The following GABRA5 variants were observed in gnomAD, a reference collection of about 807,000 sequenced individuals.
GABRA5 encodes gamma-aminobutyric acid type A receptor subunit alpha5, also known as gamma-aminobutyric acid receptor subunit alpha-5.
Under a neutral mutation model 47.3 loss-of-function variants are expected in GABRA5, and 18 were observed. The ratio of observed to expected loss-of-function variants is 0.38; its 90% CI spans 0.26 to 0.56. GABRA5 has a LOEUF of 0.56. Among genes scored for constraint, GABRA5 ranks in the 20% least tolerant of loss-of-function variants. The pLI is 0.71. For synonymous variants in GABRA5, 237 were observed against 229.3 expected (o/e 1.03, Z -0.30); for missense variants, 365 against 599.3 (o/e 0.61, Z 4.08).
intron 6 of GABRA5, among the ~76,000 whole-genome samples, chr15:26,897,370 G>A (rs945724759): frequency 2.0e-5 from 3 of 152,110 alleles, no homozygotes; most frequent in African/African-American, 7.2e-5. Context: ...GAGGACACAG[G>A]GAGAGGACAG....
upstream of GABRA5, chr15:26,866,882 A>G (rs917835121): frequency 2.6e-5 from 4 of 152,256 alleles, no homozygotes; most frequent in African/African-American, 7.2e-5. Context: ...CTGCTCTACA[A>G]GCGGGCGGTG....
At chr15:26,946,844 G>A (rs547272871) in intron 10 of GABRA5, among the ~76,000 whole-genome samples, 11 of 151,862 alleles carry the variant, frequency 7.2e-5, no homozygotes, top group Admixed American at 5.9e-4. Context: ...TGCTTAATCC[G>A]TAAGAGTTAA....
intron 7 of GABRA5, among the ~76,000 whole-genome samples, chr15:26,918,112 T>C (rs1893759399): frequency 1.3e-5 from 2 of 152,172 alleles, no homozygotes; most frequent in Non-Finnish European, 2.9e-5. Context: ...TGTGCTTCTT[T>C]TTCTAATTCC....
rs138448878 is a variant in GABRA5 at position 26,942,816 on chromosome 15, G to C, written c.878-399G>C. ...AGCAAAACAGTAGAGGAAGGCGCAG[G>C]CTGGGATTAAAATCACCAGTCCCTT... On this transcript the variant is annotated intron_variant, in intron 9 of 10. Transcript: ENST00000335625. Among the ~76,000 whole-genome samples the C allele has an allele frequency of 3.0e-3, 464 of 152,316 alleles. 3 individuals carry two copies. The highest frequency in any genetic ancestry group is 0.011 in the African/African-American group (447 of 41,568).
At chr15:26,912,079 C>T (rs1291985139) in intron 6 of GABRA5, among the ~76,000 whole-genome samples, 1 of 152,202 alleles carries the variant, frequency 6.6e-6, no homozygotes, top group Non-Finnish European at 1.5e-5. Flanking sequence ...AGACTGCTCC[C>T]GTGTGAGCCC....
In GABRA5 at chr15:26,867,334, AAGG is replaced by A. The variant is rs1237252011; in HGVS notation, c.-140+228_-140+230del. 6.6e-6 allele frequency: 1 copy of A among 151,568 alleles called. No homozygotes were observed. The highest frequency in any genetic ancestry group is 1.5e-5 in the Non-Finnish European group (1 of 67,884). The allele number at this position is 151,568 out of a possible 1,614,324, so 9.4% of individuals were successfully genotyped here. ...AGCCGGGCGAGAGCAGGCGGAGGAG[AAGG>A]AGGATGCATCCTCACCGACGGCTCG... On this transcript the variant is annotated intron_variant, in intron 1 of 10. Coordinates refer to ENST00000335625, the MANE Select transcript of GABRA5 (RefSeq NM_000810.4). This position sits in a 1 kb window ranked among gnomAD's most constrained non-coding sequence, Gnocchi z 5.9.
intron 6 of GABRA5, among the ~76,000 whole-genome samples, chr15:26,909,299 C>G (rs1893521769): frequency 1.3e-5 from 2 of 152,282 alleles, no homozygotes; most frequent in South Asian, 4.1e-4. Flanking sequence ...TGACATTTGT[C>G]CCACCCAGAT....
chr15:26,937,451 C>A (rs1894273967), intron 8 of GABRA5, 123 bp downstream of exon 8: 3 of 1,033,882 alleles, frequency 2.9e-6, no homozygotes, highest in South Asian at 3.4e-5. Context: ...GCCTCCCACA[C>A]AACCTGTCCT....
Position 26,883,014 on chromosome 15 carries a change from C to T in GABRA5, c.209-152C>T. 1.4e-6 allele frequency: 1 copy of T among 718,490 alleles called. No individual in the cohort carries two copies. The highest frequency in any genetic ancestry group is 2.6e-6 in the Non-Finnish European group (1 of 390,758). The allele number at this position is 718,490 out of a possible 1,614,324, so 44.5% of individuals were successfully genotyped here. ...ATAGCGGGGAGCAGCTCGATTTCAT[C>T]TGGTAATTGTCAAGTCCTCCAAATT... On this transcript the variant is annotated intron_variant, in intron 4 of 10. Coordinates refer to ENST00000335625, the MANE Select transcript of GABRA5 (RefSeq NM_000810.4). The surrounding 1 kb of genome is among the most constrained non-coding windows in gnomAD (Gnocchi z 4.8).
At chr15:26,884,576 A>G (rs894211840) in intron 6 of GABRA5, among the ~76,000 whole-genome samples, 1 of 152,120 alleles carries the variant, frequency 6.6e-6, no homozygotes, top group Non-Finnish European at 1.5e-5. Flanking sequence ...TTCACGGTAA[A>G]CTTTATGTTT....
rs370846633 is a variant in GABRA5 at position 26,943,234 on chromosome 15, C to T, written c.897C>T (p.Thr299=). The T allele has an allele frequency of 1.3e-5, 21 of 1,556,242 alleles. No individual in the cohort carries two copies. In the African/African-American group the frequency reaches 2.3e-4, roughly 17 times the overall value. Residue 299 remains threonine, a synonymous_variant, in exon 10 of 11, where the codon ACC becomes ACT. Transcript: ENST00000335625. ...CCGCAGGGGTCACCACGGTGCTGAC[C>T]ATGACGACCCTCAGCATCAGCGCCA... ...RTVFGVTTVL[T]MTTLSISARN...
chr15:26,922,322 C>T (rs1025527520), intron 7 of GABRA5, among the ~76,000 whole-genome samples: 2 of 151,984 alleles, frequency 1.3e-5, no homozygotes, highest in African/African-American at 2.4e-5. Flanking sequence ...TTTAATATTT[C>T]TCTCTGTCTC....
chr15:26,944,456 G>T (rs570179559), intron 10 of GABRA5, among the ~76,000 whole-genome samples: 3 of 152,316 alleles, frequency 2.0e-5, no homozygotes, highest in East Asian at 1.9e-4. Flanking sequence ...TTGGAGGAAG[G>T]CCTGGCAGGA....
intron 7 of GABRA5, among the ~76,000 whole-genome samples, chr15:26,934,431 C>T (rs561057008): frequency 1.6e-4 from 25 of 152,176 alleles, no homozygotes; most frequent in African/African-American, 3.6e-4. Context: ...ACACAGTCGC[C>T]GGAGCTTACC....
rs1349410531 is a variant in GABRA5, at chr15:26,867,091, G to T, written c.-160G>T. 1.3e-5 allele frequency: 2 copies of T among 152,232 alleles called. No individual in the cohort carries two copies. The highest frequency in any genetic ancestry group is 1.9e-4 in the East Asian group (1 of 5,140). 9.4% of individuals were successfully genotyped at this position (152,232 alleles called of 1,614,324 possible). ...AGGGCCGATCCTCCAGCCCAGAGAC[G>T]ACATGTGGCGCTCGGGCGAGGTGAG... On this transcript the variant is annotated 5_prime_UTR_variant, in exon 1 of 11. Coordinates refer to ENST00000335625, the MANE Select transcript of GABRA5 (RefSeq NM_000810.4). This position sits in a 1 kb window ranked among gnomAD's most constrained non-coding sequence, Gnocchi z 5.9.
chr15:26,935,572 G>A (rs1894217607), intron 7 of GABRA5, among the ~76,000 whole-genome samples: 1 of 152,186 alleles, frequency 6.6e-6, no homozygotes, highest in South Asian at 2.1e-4. Flanking sequence ...ATGCCACTTG[G>A]CCTCGAGTCC....
At chr15:26,898,699 T>C (rs1332166120) in intron 6 of GABRA5, among the ~76,000 whole-genome samples, 1 of 151,302 alleles carries the variant, frequency 6.6e-6, no homozygotes, top group Admixed American at 6.6e-5. Context: ...CTTTATTTCC[T>C]TTTTTCAGTT....
chr15:26,868,262 G>T (rs1221957984), intron 1 of GABRA5, among the ~76,000 whole-genome samples: 1 of 151,992 alleles, frequency 6.6e-6, no homozygotes, highest in Non-Finnish European at 1.5e-5. Flanking sequence ...GAGCCCCCCG[G>T]ACGCGCCCAG....
At chr15:26,893,782 T>TG (rs1893102387) in intron 6 of GABRA5, among the ~76,000 whole-genome samples, 1 of 151,750 alleles carries the variant, frequency 6.6e-6, no homozygotes, top group Admixed American at 6.6e-5. Context: ...GCACGGAGTC[T>TG]GGGGTGAGCT....
Sources: gnomAD v4.1 joint callset for allele counts (sites outside exome capture counted in the v4.1 genomes callset) on GRCh38, gnomAD v4.1.1 for gene constraint, Gnocchi (gnomAD v3.1) non-coding constraint, MANE v1.5 for transcripts, NCBI Gene and HGNC (gene_info 2026-07-23, HGNC 2026-07-21) for gene names.